Variants in TAOK1 observed in about 807,000 individuals in gnomAD.
TAOK1 encodes the protein serine/threonine-protein kinase TAO1.
A neutral mutation model predicts 138.3 loss-of-function variants in TAOK1; 21 were observed. The ratio of observed to expected loss-of-function variants is 0.15; its 90% CI spans 0.11 to 0.22. The LOEUF (loss-of-function observed/expected upper bound fraction) is 0.22, where lower values mean the gene tolerates loss of function less well. Ranked by LOEUF, TAOK1 falls within the 10% of genes least tolerant of loss-of-function variation. The pLI is 1.00. For missense variants in TAOK1, 651 were observed against 1,227.7 expected (o/e 0.53, Z 7.02); for synonymous variants, 361 against 398.4 (o/e 0.91, Z 1.12).
At chr17:29,530,962 A>ATTTTTTTTTTTTTTTTTTTTTTT (rs66788063) in intron 18 of TAOK1, among the ~76,000 whole-genome samples, 7 of 96,176 alleles carry the variant, frequency 7.3e-5, no homozygotes, top group East Asian at 3.1e-4. Flanking sequence ...ACAAGTACAA[A>ATTTTTTTTTTTTTTTTTTTTTTT]TTTTTTTTTT....
intron 13 of TAOK1, among the ~76,000 whole-genome samples, chr17:29,503,395 CAAAAA>C (rs5819870): frequency 3.5e-5 from 3 of 84,992 alleles, no homozygotes; most frequent in Non-Finnish European, 4.5e-5. Flanking sequence ...GACTCTGTCT[CAAAAA>C]AAAAAAAAAA....
At chr17:29,413,101 C>T (rs377621627) in intron 1 of TAOK1, among the ~76,000 whole-genome samples, 1 of 152,090 alleles carries the variant, frequency 6.6e-6, no homozygotes, top group African/African-American at 2.4e-5. Flanking sequence ...AATTAAGACA[C>T]AAGAGGAATG....
At chr17:29,503,776 A>G (rs1424907971) in intron 13 of TAOK1, among the ~76,000 whole-genome samples, 1 of 151,936 alleles carries the variant, frequency 6.6e-6, no homozygotes, top group Non-Finnish European at 1.5e-5. Context: ...TGAGTTTGAG[A>G]CCAGCCTGGG....
intron 1 of TAOK1, among the ~76,000 whole-genome samples, chr17:29,441,508 G>A (rs2029939469): frequency 6.6e-6 from 1 of 152,134 alleles, no homozygotes; most frequent in Non-Finnish European, 1.5e-5. Flanking sequence ...TTGGTAGTTT[G>A]TGTGATTTTA....
chr17:29,423,496 C>T (rs1161686105), intron 1 of TAOK1, among the ~76,000 whole-genome samples: 4 of 151,782 alleles, frequency 2.6e-5, no homozygotes, highest in African/African-American at 4.8e-5. Flanking sequence ...GGATTACAGG[C>T]GTGAGCCACT....
At chr17:29,422,684 A>G (rs1905490870) in intron 1 of TAOK1, among the ~76,000 whole-genome samples, 1 of 152,066 alleles carries the variant, frequency 6.6e-6, no homozygotes, top group Non-Finnish European at 1.5e-5. Context: ...GATACTGGTA[A>G]TTTGTTTCTT....
chr17:29,521,899 C>T (rs191987602), intron 16 of TAOK1, among the ~76,000 whole-genome samples: 2 of 152,286 alleles, frequency 1.3e-5, no homozygotes, highest in East Asian at 3.9e-4. Context: ...TGTTCTTAAT[C>T]ACTACACTAA....
chr17:29,400,904 C>CTTTTTTTT (rs10539936), intron 1 of TAOK1, among the ~76,000 whole-genome samples: 1 of 105,276 alleles, frequency 9.5e-6, no homozygotes, highest in Non-Finnish European at 1.8e-5. Context: ...TTGTTTGCCT[C>CTTTTTTTT]TTTTTTTTTT....
chr17:29,530,201 G>T (rs1315354090), intron 17 of TAOK1, among the ~76,000 whole-genome samples: 2 of 152,222 alleles, frequency 1.3e-5, no homozygotes, highest in Non-Finnish European at 2.9e-5. Flanking sequence ...TTTAAATGAG[G>T]TTTTTTGTTG....
chr17:29,423,828 G>T (rs1905541633), intron 1 of TAOK1, among the ~76,000 whole-genome samples: 1 of 151,914 alleles, frequency 6.6e-6, no homozygotes, highest in South Asian at 2.1e-4. Context: ...CAGGCGGATT[G>T]TTTGAGGTCA....
At chr17:29,466,571 T>C (rs2030674401) in intron 2 of TAOK1, among the ~76,000 whole-genome samples, 2 of 152,262 alleles carry the variant, frequency 1.3e-5, no homozygotes, top group African/African-American at 2.4e-5. Flanking sequence ...TTTGTACTCT[T>C]TATGAGGTTT....
At chr17:29,516,185 TCCCAACCTCAGGTGATCTG>T (rs2031810284) in intron 15 of TAOK1, among the ~76,000 whole-genome samples, 1 of 152,044 alleles carries the variant, frequency 6.6e-6, no homozygotes, top group Non-Finnish European at 1.5e-5. Flanking sequence ...GGTCTTGCGC[TCCCAACCTCAGGTGATCTG>T]CCCACCTCTG....
At chr17:29,394,036 C>G (rs1904509345) in intron 1 of TAOK1, among the ~76,000 whole-genome samples, 1 of 151,430 alleles carries the variant, frequency 6.6e-6, no homozygotes, top group Admixed American at 6.6e-5. Context: ...GATATTTGGG[C>G]CCATGTTACG....
At chr17:29,410,694 G>A (rs1268723950) in intron 1 of TAOK1, among the ~76,000 whole-genome samples, 1 of 148,198 alleles carries the variant, frequency 6.7e-6, no homozygotes, top group African/African-American at 2.5e-5. Context: ...GTGCAGTGGC[G>A]TGATCTCGGC....
At chr17:29,423,088 T>TC (rs900045763) in intron 1 of TAOK1, among the ~76,000 whole-genome samples, 46 of 150,256 alleles carry the variant, frequency 3.1e-4, no homozygotes, top group African/African-American at 4.9e-4. Flanking sequence ...TTCTTTTTTT[T>TC]CCCCCATTTT....
At chr17:29,462,810 C>A (rs981354201) in intron 2 of TAOK1, among the ~76,000 whole-genome samples, 2 of 152,166 alleles carry the variant, frequency 1.3e-5, no homozygotes, top group African/African-American at 4.8e-5. Context: ...TGTGTATTTT[C>A]TTTTTCCTAC....
intron 3 of TAOK1, among the ~76,000 whole-genome samples, chr17:29,474,482 G>A (rs1281939917): frequency 6.6e-6 from 1 of 152,070 alleles, no homozygotes; most frequent in African/African-American, 2.4e-5. Flanking sequence ...GAACACTTAG[G>A]GGTCACTGTG....
chr17:29,466,712 ATTC>A (rs769143560), intron 2 of TAOK1, among the ~76,000 whole-genome samples: 22 of 152,190 alleles, frequency 1.4e-4, no homozygotes, highest in Non-Finnish European at 2.4e-4. Context: ...ATTCATTGGT[ATTC>A]TTTTCAATCT....
intron 1 of TAOK1, among the ~76,000 whole-genome samples, chr17:29,435,113 G>A (rs1485317966): frequency 1.4e-5 from 2 of 144,942 alleles, no homozygotes; most frequent in Non-Finnish European, 3.0e-5. Context: ...CCCATCACCT[G>A]GAAGAATTTG....
Sources: allele counts gnomAD v4.1 joint callset (sites outside exome capture counted in the v4.1 genomes callset), GRCh38; gene constraint gnomAD v4.1.1; transcripts MANE v1.5; gene names NCBI Gene and HGNC (gene_info 2026-07-23, HGNC 2026-07-21).